Variants in NXN observed in about 807,000 individuals in gnomAD.
NXN encodes the protein nucleoredoxin, also known as nucleoredoxin 1.
NXN carries 16 observed loss-of-function variants against 48.6 expected under a neutral mutation model. That is an observed-to-expected ratio of 0.33 (90% CI 0.22 to 0.50). The LOEUF (loss-of-function observed/expected upper bound fraction) is 0.50, where lower values mean the gene tolerates loss of function less well. Ranked by LOEUF, NXN falls within the 20% of genes least tolerant of loss-of-function variation. The probability of loss-of-function intolerance (pLI) is 0.98; values close to 1 mark genes in which losing one functional copy is unlikely to be tolerated. For missense variants in NXN, 492 were observed against 605.5 expected, an observed-to-expected ratio of 0.81 and a Z score of 1.97; for synonymous variants, 281 against 269.6, an observed-to-expected ratio of 1.04 and a Z score of -0.41.
chr17:842,990 G>GAAAGAA (rs1914429632), intron 1 of NXN, among the ~76,000 whole-genome samples: 1 of 106,638 alleles, frequency 9.4e-6, no homozygotes, highest in African/African-American at 4.0e-5. Flanking sequence ...GAGAGAAAGA[G>GAAAGAA]AGAAAGAGAG....
intron 5 of NXN, among the ~76,000 whole-genome samples, chr17:817,496 C>T (rs1912541067): frequency 6.6e-6 from 1 of 151,748 alleles, no homozygotes; most frequent in African/African-American, 2.4e-5. Context: ...GGTGAAACCC[C>T]ATCTCTACTA....
chr17:911,503 G>A (rs929582295), intron 1 of NXN, among the ~76,000 whole-genome samples: 2 of 151,466 alleles, frequency 1.3e-5, no homozygotes, highest in Admixed American at 1.3e-4. Context: ...AATTTTTTTT[G>A]TATTTTTTGT....
At chr17:804,889 C>T (rs1911401943) in intron 6 of NXN, among the ~76,000 whole-genome samples, 179 bp downstream of exon 6, 1 of 152,174 alleles carries the variant, frequency 6.6e-6, no homozygotes, top group Admixed American at 6.5e-5. Flanking sequence ...GCAGCTCCCA[C>T]AGGGGCCAGC....
At chr17:858,440 C>T (rs561657178) in intron 1 of NXN, among the ~76,000 whole-genome samples, 1 of 152,122 alleles carries the variant, frequency 6.6e-6, no homozygotes, top group South Asian at 2.1e-4. Context: ...AGAAAACAGC[C>T]CTACAGGCTG....
chr17:953,465 C>T (rs1264525395), intron 1 of NXN, among the ~76,000 whole-genome samples: 1 of 152,122 alleles, frequency 6.6e-6, no homozygotes. Flanking sequence ...GGACGAGGCA[C>T]CTCGGATGCC....
intron 1 of NXN, among the ~76,000 whole-genome samples, chr17:827,840 G>A (rs939589944): frequency 1.3e-5 from 2 of 152,166 alleles, no homozygotes; most frequent in African/African-American, 4.8e-5. Context: ...GCAGCAGAGG[G>A]AAGAGGGCAT....
intron 1 of NXN, among the ~76,000 whole-genome samples, chr17:893,151 A>G (rs1234981091): frequency 6.6e-6 from 1 of 152,274 alleles, no homozygotes; most frequent in African/African-American, 2.4e-5. Context: ...ACGCCTACGC[A>G]GGCCAAGTCT....
At chr17:851,284 G>A (rs548879962) in intron 1 of NXN, among the ~76,000 whole-genome samples, 5 of 152,252 alleles carry the variant, frequency 3.3e-5, no homozygotes, top group African/African-American at 7.2e-5. Context: ...AAAGTTCCCC[G>A]GCTGAAATGA....
At chr17:946,273 AT>A (rs2069043316) in intron 1 of NXN, among the ~76,000 whole-genome samples, 1 of 150,604 alleles carries the variant, frequency 6.6e-6, no homozygotes, top group Non-Finnish European at 1.5e-5. Context: ...GGTTCAAGCG[AT>A]TCTCCTGCCT....
chr17:817,021 C>T (rs1002267623), intron 5 of NXN, among the ~76,000 whole-genome samples: 3 of 152,154 alleles, frequency 2.0e-5, no homozygotes, highest in African/African-American at 7.2e-5. Context: ...CATCATGTCC[C>T]TCAACTTTTG....
Position 825,315 on chromosome 17 carries a change from C to A in NXN, c.478+646G>T, listed in dbSNP as rs969518318. ...TTCTTTGAAGTAGGTGGCATTTTTA[C>A]TGGGAAAATGTGTGAGCGGGGTTGA... On this transcript the variant is annotated intron_variant, in intron 2 of 7. Coordinates refer to ENST00000336868, the MANE Select transcript of NXN (RefSeq NM_022463.5). The surrounding 1 kb of genome is among the most constrained non-coding windows in gnomAD (Gnocchi z 4.1). Among the ~76,000 whole-genome samples the A allele has an allele frequency of 6.6e-6, 1 of 151,890 alleles. No homozygotes were observed. The highest frequency in any genetic ancestry group is 1.5e-5 in the Non-Finnish European group (1 of 67,996).
At chr17:959,709 A>T (rs2069214195) in intron 1 of NXN, among the ~76,000 whole-genome samples, 1 of 151,366 alleles carries the variant, frequency 6.6e-6, no homozygotes, top group African/African-American at 2.4e-5. Context: ...CAGGAGAATC[A>T]TTTAAACCCG....
At chr17:819,378 C>G in intron 5 of NXN, 61 bp downstream of exon 5, 1 of 1,160,044 alleles carries the variant, frequency 8.6e-7, no homozygotes, top group Non-Finnish European at 1.3e-6. Flanking sequence ...GCCAAAGACA[C>G]GGTGAGCTCA....
At chr17:811,493 C>T (rs1032581386) in intron 5 of NXN, among the ~76,000 whole-genome samples, 6 of 146,334 alleles carry the variant, frequency 4.1e-5, no homozygotes, top group African/African-American at 7.6e-5. Flanking sequence ...CCCCAGGCTG[C>T]GTAAAGCCCC....
chr17:979,711 G>C lies in NXN; in HGVS notation c.-33C>G. The C allele has an allele frequency of 1.5e-6, 2 of 1,351,720 alleles. No individual in the cohort carries two copies. The highest frequency in any genetic ancestry group is 1.9e-6 in the Non-Finnish European group (2 of 1,051,048). The allele number at this position is 1,351,720 out of a possible 1,614,324, so 83.7% of individuals were successfully genotyped here. On this transcript the variant is annotated 5_prime_UTR_variant, in exon 1 of 8. Transcript: ENST00000336868. ...CACCGCAGGGCGGGCAGGCGGCTGC[G>C]ACCCCGCTCCACGGTCCGCGCGGCG...
chr17:891,361 C>T (rs1235676274), intron 1 of NXN, among the ~76,000 whole-genome samples: 2 of 152,224 alleles, frequency 1.3e-5, no homozygotes, highest in African/African-American at 2.4e-5. Flanking sequence ...AGCCACTGCA[C>T]CCGGCCTAAA....
intron 1 of NXN, among the ~76,000 whole-genome samples, chr17:937,967 C>T (rs2068927874): frequency 6.6e-6 from 1 of 152,246 alleles, no homozygotes; most frequent in Non-Finnish European, 1.5e-5. Flanking sequence ...CCACGGGGCG[C>T]AGGGGCCGTC....
At chr17:947,185 C>T (rs982950393) in intron 1 of NXN, among the ~76,000 whole-genome samples, 3 of 152,252 alleles carry the variant, frequency 2.0e-5, no homozygotes, top group East Asian at 1.9e-4. Flanking sequence ...TAGTAACCCA[C>T]GTACAGTAGT....
intron 1 of NXN, among the ~76,000 whole-genome samples, chr17:908,607 T>C (rs949277691): frequency 1.3e-5 from 2 of 152,166 alleles, no homozygotes; most frequent in Non-Finnish European, 2.9e-5. Flanking sequence ...TTAAACCAAA[T>C]AGTCCACGGC....
Sources: allele counts gnomAD v4.1 joint callset (sites outside exome capture counted in the v4.1 genomes callset), GRCh38; gene constraint gnomAD v4.1.1; non-coding constraint Gnocchi (gnomAD v3.1); transcripts MANE v1.5; gene names NCBI Gene and HGNC (gene_info 2026-07-23, HGNC 2026-07-21).